The following NAF1 variants were observed in gnomAD, a reference collection of about 807,000 sequenced individuals.
The protein encoded by NAF1 is nuclear assembly factor 1 ribonucleoprotein, also known as H/ACA ribonucleoprotein complex non-core subunit NAF1.
In NAF1, 11 loss-of-function variants were observed where a neutral mutation model predicts 40.6. That is an observed-to-expected ratio of 0.27 (90% CI 0.17 to 0.45). The LOEUF is 0.45. Among genes scored for constraint, NAF1 ranks in the 20% least tolerant of loss-of-function variants. The probability of loss-of-function intolerance (pLI) is 1.00; values close to 1 mark genes in which losing one functional copy is unlikely to be tolerated. For missense variants in NAF1, 607 were observed against 611.1 expected (o/e 0.99, Z 0.07); for synonymous variants, 260 against 228.5 (o/e 1.14, Z -1.24).
intron 5 of NAF1, among the ~76,000 whole-genome samples, chr4:163,139,990 T>A (rs1315311656): frequency 6.6e-6 from 1 of 152,080 alleles, no homozygotes; most frequent in Non-Finnish European, 1.5e-5. Flanking sequence ...TCAGAAAGTG[T>A]ACATGGCTCA....
intron 3 of NAF1, among the ~76,000 whole-genome samples, chr4:163,147,428 G>A (rs1731514560): frequency 6.6e-6 from 1 of 152,108 alleles, no homozygotes; most frequent in Non-Finnish European, 1.5e-5. Flanking sequence ...CTATTCTCCA[G>A]CATATCCTAC....
chr4:163,164,887 C>T (rs1417461339), intron 1 of NAF1, among the ~76,000 whole-genome samples: 1 of 152,200 alleles, frequency 6.6e-6, no homozygotes, highest in Admixed American at 6.5e-5. Context: ...TCTGAAAACT[C>T]ACTTGGTCCT....
At chr4:163,136,409 T>C (rs1002168928) in intron 6 of NAF1, 6 of 151,042 alleles carry the variant, frequency 4.0e-5, no homozygotes, top group Admixed American at 3.9e-4. Context: ...TTAAAAACTC[T>C]CATGTATAAT....
Position 163,145,850 on chromosome 4 carries a change from T to A in NAF1, c.649A>T (p.Met217Leu). Residue 217 changes from methionine to leucine, a missense_variant, in exon 4 of 8, where the codon ATG (methionine) becomes TTG (leucine). Physicochemically the swap from Met to Leu is conservative, Grantham distance 15. This residue lies in a region of NAF1 where 407 missense variants were observed against 365.5 expected (regional missense o/e 1.11). Transcript: ENST00000274054. ...IIEQLVIIES[M>L]TNLPPVNEET... The stretch of plus-strand genomic sequence containing the variant: ...TCATTAACTGGAGGTAGGTTAGTCA[T>A]AGATTCAATTATTACTGAAAAATAA... The A allele has an allele frequency of 6.7e-7, 1 of 1,501,168 alleles. No individual in the cohort carries two copies. Among genetic ancestry groups the A allele is most frequent in the Non-Finnish European group, 9.2e-7 (1 of 1,088,956 alleles). The allele number at this position is 1,501,168 out of a possible 1,614,324, so 93.0% of individuals were successfully genotyped here. A position where few individuals can be genotyped will look rare whatever the true frequency, so the allele number is the denominator to read the frequency against.
At chr4:163,133,346 A>ATG in intron 6 of NAF1, 90 bp from the exon 7 acceptor site, 1 of 882,088 alleles carries the variant, frequency 1.1e-6, no homozygotes, top group Non-Finnish European at 1.8e-6. Context: ...TAAGCCTATT[A>ATG]TGCATCAATG....
At chr4:163,146,473 A>G (rs916460604) in intron 3 of NAF1, among the ~76,000 whole-genome samples, 1 of 152,204 alleles carries the variant, frequency 6.6e-6, no homozygotes, top group African/African-American at 2.4e-5. Context: ...GATCTACCAT[A>G]ACAAAGAGAA....
chr4:163,153,799 A>G, intron 2 of NAF1, among the ~76,000 whole-genome samples: 1 of 152,164 alleles, frequency 6.6e-6, no homozygotes, highest in Non-Finnish European at 1.5e-5. Context: ...CCCAGCCAGC[A>G]TTGGCAACCC....
chr4:163,158,004 G>A (rs573557793), intron 2 of NAF1, among the ~76,000 whole-genome samples: 65 of 152,140 alleles, frequency 4.3e-4, no homozygotes, highest in South Asian at 2.3e-3. Flanking sequence ...ACTTTCTAAA[G>A]TAAAATTATA....
intron 4 of NAF1, among the ~76,000 whole-genome samples, chr4:163,143,157 A>G (rs1485180634): frequency 6.6e-6 from 1 of 152,062 alleles, no homozygotes; most frequent in Non-Finnish European, 1.5e-5. Flanking sequence ...TTGCCCTGTC[A>G]TTGAGAAGTG....
At chr4:163,136,730 A>G (rs1731073325) in intron 6 of NAF1, among the ~76,000 whole-genome samples, 1 of 152,166 alleles carries the variant, frequency 6.6e-6, no homozygotes, top group Non-Finnish European at 1.5e-5. Context: ...AGGTAGTTAT[A>G]TCGTAAAAAG....
intron 3 of NAF1, 49 bp from the exon 4 acceptor site, chr4:163,145,913 GA>G: frequency 1.1e-6 from 1 of 931,256 alleles, no homozygotes; most frequent in Non-Finnish European, 1.6e-6. Context: ...AGAGAATGTA[GA>G]ATTTTAATGA....
intron 3 of NAF1, among the ~76,000 whole-genome samples, chr4:163,146,403 A>G (rs1731471047): frequency 6.6e-6 from 1 of 152,164 alleles, no homozygotes; most frequent in Non-Finnish European, 1.5e-5. Flanking sequence ...CCTCCTCAAA[A>G]AGCAAAAACA....
At chr4:163,116,541 T>C (rs1730344076) in intron 2 of NAF1, among the ~76,000 whole-genome samples, 1 of 152,344 alleles carries the variant, frequency 6.6e-6, no homozygotes, top group South Asian at 2.1e-4. Flanking sequence ...TGTTATAATA[T>C]TTCTTCTTCT....
chr4:163,137,058 G>T, intron 6 of NAF1, 141 bp downstream of exon 6: 1 of 875,340 alleles, frequency 1.1e-6, no homozygotes, highest in Non-Finnish European at 1.7e-6. Context: ...GACGGTGAGA[G>T]AATACATGCG....
intron 7 of NAF1, among the ~76,000 whole-genome samples, chr4:163,130,010 C>T (rs1444330912): frequency 6.6e-6 from 1 of 152,152 alleles, no homozygotes; most frequent in African/African-American, 2.4e-5. Flanking sequence ...TAACAAGGCA[C>T]CCCTTGGCCA....
At chr4:163,112,014 T>G (rs537881532) in intron 2 of NAF1, among the ~76,000 whole-genome samples, 8 of 152,122 alleles carry the variant, frequency 5.3e-5, no homozygotes, top group African/African-American at 1.7e-4. Context: ...GGAAGCCTGA[T>G]TAGAATAAGC....
At chr4:163,106,328 G>A (rs1029539096), downstream of NAF1, among the ~76,000 whole-genome samples, 3 of 152,172 alleles carry the variant, frequency 2.0e-5, no homozygotes, top group African/African-American at 7.2e-5. Context: ...ATATGGTAAT[G>A]CACTAGCCCC....
intron 4 of NAF1, among the ~76,000 whole-genome samples, chr4:163,144,824 A>T (rs1038378535): frequency 1.1e-4 from 17 of 152,186 alleles, no homozygotes; most frequent in African/African-American, 3.6e-4. Flanking sequence ...AGAAATTCAA[A>T]TGTAGTGGGA....
intron 2 of NAF1, among the ~76,000 whole-genome samples, chr4:163,149,743 T>A (rs1731620075): frequency 6.6e-6 from 1 of 152,168 alleles, no homozygotes; most frequent in Non-Finnish European, 1.5e-5. Flanking sequence ...ATGGTTCATG[T>A]GTGTATCAGA....
Sources: allele counts gnomAD v4.1 joint callset (sites outside exome capture counted in the v4.1 genomes callset), GRCh38; gene constraint gnomAD v4.1.1; regional missense constraint gnomAD v4.1.1; transcripts MANE v1.5; gene names NCBI Gene and HGNC (gene_info 2026-07-23, HGNC 2026-07-21).